The following ZNF516 variants were observed in gnomAD, a reference collection of about 807,000 sequenced individuals.
The protein encoded by ZNF516 is zinc finger protein 516.
In ZNF516, 19 loss-of-function variants were observed where a neutral mutation model predicts 79.7. The ratio of observed to expected loss-of-function variants is 0.24; its 90% CI spans 0.17 to 0.35. The LOEUF (loss-of-function observed/expected upper bound fraction) is 0.35. Ranked by LOEUF, ZNF516 falls within the 10% of genes least tolerant of loss-of-function variation. The pLI, the probability that ZNF516 is intolerant of heterozygous loss-of-function variation, is 1.00. For missense variants in ZNF516, 1,678 were observed against 1,679.5 expected (o/e 1.00, Z 0.02); for synonymous variants, 877 against 739.5 (o/e 1.19, Z -3.02).
intron 1 of ZNF516, chr18:76,492,819 G>A: frequency 1.0e-6 from 1 of 986,126 alleles, no homozygotes. Context: ...CGGAGGGGGA[G>A]GCGCTCCGTG....
intron 3 of ZNF516, among the ~76,000 whole-genome samples, chr18:76,405,157 G>A (rs567058904): frequency 1.1e-4 from 17 of 152,324 alleles, no homozygotes; most frequent in African/African-American, 4.1e-4. Context: ...TCGGGAACAC[G>A]GTTTCCAGGG....
At chr18:76,394,917 A>G (rs1233775891) in intron 3 of ZNF516, among the ~76,000 whole-genome samples, 2 of 152,122 alleles carry the variant, frequency 1.3e-5, no homozygotes, top group Non-Finnish European at 2.9e-5. Flanking sequence ...TCATTGCCCA[A>G]TCACCACACA....
chr18:76,364,048 C>T (rs1405415436), intron 6 of ZNF516, among the ~76,000 whole-genome samples: 1 of 152,204 alleles, frequency 6.6e-6, no homozygotes, highest in Non-Finnish European at 1.5e-5. Flanking sequence ...TGGACTGTTC[C>T]AGAGGCAACA....
chr18:76,411,868 A>G (rs567174672), intron 3 of ZNF516, among the ~76,000 whole-genome samples: 3 of 152,226 alleles, frequency 2.0e-5, no homozygotes, highest in African/African-American at 7.2e-5. Flanking sequence ...GCAGTTTTTA[A>G]AATATTTAAA....
chr18:76,473,928 G>A (rs1481100978), intron 1 of ZNF516, among the ~76,000 whole-genome samples: 1 of 80,778 alleles, frequency 1.2e-5, no homozygotes, highest in African/African-American at 4.0e-5. Flanking sequence ...CTTTCTTTTT[G>A]AGACAGGGTC....
chr18:76,408,772 A>T (rs1404400500), intron 3 of ZNF516, among the ~76,000 whole-genome samples: 1 of 152,250 alleles, frequency 6.6e-6, no homozygotes, highest in Non-Finnish European at 1.5e-5. Flanking sequence ...AGCTGTCCTT[A>T]GATTTCCAGT....
chr18:76,419,511 C>T (rs1319955925), intron 3 of ZNF516, among the ~76,000 whole-genome samples: 1 of 152,186 alleles, frequency 6.6e-6, no homozygotes, highest in Non-Finnish European at 1.5e-5. Flanking sequence ...TGGATATGAT[C>T]CGGCTGCGTC....
chr18:76,370,377 A>G lies in ZNF516; in HGVS notation c.3432+151T>C, dbSNP rs1412184854. 9.4e-6 allele frequency: 7 copies of G among 748,534 alleles called. No homozygotes were observed. In the East Asian group the frequency reaches 2.1e-4, roughly 23 times the overall value. The allele number at this position is 748,534 out of a possible 1,614,324, so 46.4% of individuals were successfully genotyped here. On this transcript the variant is annotated intron_variant, in intron 6 of 6. Transcript: ENST00000443185. ...GGGTACTGCCCACAGACGGCCCCGA[A>G]GGGTCAGGTTCCAAGTCAAAGCATA... is the stretch of plus-strand genomic sequence containing the variant.
chr18:76,481,333 GA>G (rs1914510816), intron 1 of ZNF516, among the ~76,000 whole-genome samples: 4 of 152,208 alleles, frequency 2.6e-5, no homozygotes, highest in African/African-American at 4.8e-5. Context: ...GGACCCCAAA[GA>G]GGCAGACAGC....
Position 76,493,158 on chromosome 18 carries a change from T to C in ZNF516, c.-272+1986A>G. ...TTTAATGGTAAAACAACAGCAGAGC[T>C]CTGAAAGTTAGCCATCTGCGCAGAG... On this transcript the variant is annotated intron_variant, in intron 1 of 6. Transcript: ENST00000443185. The surrounding 1 kb of genome is among the most constrained non-coding windows in gnomAD (Gnocchi z 5.2). 4 of 984,982 alleles carry C rather than the reference T, an allele frequency of 4.1e-6. No individual in the cohort carries two copies. The highest frequency in any genetic ancestry group is 4.8e-6 in the Non-Finnish European group (4 of 829,816). 61.0% of individuals were successfully genotyped at this position (984,982 alleles called of 1,614,324 possible).
intron 2 of ZNF516, among the ~76,000 whole-genome samples, chr18:76,456,050 G>A (rs1158238114): frequency 1.3e-5 from 2 of 152,192 alleles, no homozygotes; most frequent in African/African-American, 2.4e-5. Context: ...GAGGATGGTA[G>A]GACCCATCAA....
At chr18:76,375,829 G>C (rs1053874032) in intron 4 of ZNF516, among the ~76,000 whole-genome samples, 20 of 148,876 alleles carry the variant, frequency 1.3e-4, no homozygotes, top group African/African-American at 5.0e-4. Flanking sequence ...CCGAAGACCA[G>C]GTAGAAGATG....
intron 3 of ZNF516, chr18:76,387,301 G>A (rs2075008514): frequency 1.3e-5 from 2 of 152,224 alleles, no homozygotes; most frequent in African/African-American, 4.8e-5. Context: ...AGTAACCCGT[G>A]GATGATTCTT....
chr18:76,421,245 CAG>C (rs1187738350), intron 3 of ZNF516, among the ~76,000 whole-genome samples: 2 of 152,222 alleles, frequency 1.3e-5, no homozygotes, highest in Non-Finnish European at 2.9e-5. Context: ...GCTCTAGAGA[CAG>C]GGTGTGAAGT....
chr18:76,431,242 G>C (rs1005388125), intron 3 of ZNF516, among the ~76,000 whole-genome samples: 7 of 151,244 alleles, frequency 4.6e-5, no homozygotes, highest in Non-Finnish European at 1.0e-4. Flanking sequence ...ACTTGTGCCA[G>C]AGACGAGGAC....
rs769924547 is a variant in ZNF516 at position 76,379,705 on chromosome 18, G to C, written c.2409C>G (p.Ile803Met). ...GGGAAAGGAAAACCAAATTGCTTCT[G>C]ATGCTTTTGTAACCATTGGGCTGAA... ...PWIQPNGYKSIRSNLVFLSRS... is the reference protein window; with the variant it reads ...PWIQPNGYKSMRSNLVFLSRS... The change falls in exon 4 of 7, where the codon ATC (isoleucine) becomes ATG (methionine). Residue 803 changes from isoleucine to methionine, a missense_variant. Around this residue, in one of 5 missense-constraint regions of ZNF516, gnomAD observed 1,294 missense variants for 1,248.3 expected, o/e 1.04. Coordinates refer to ENST00000443185, the MANE Select transcript of ZNF516 (RefSeq NM_014643.4). 4 of 1,613,704 alleles carry C rather than the reference G, an allele frequency of 2.5e-6. No homozygotes were observed. Among genetic ancestry groups the C allele is most frequent in the Non-Finnish European group, 3.4e-6 (4 of 1,179,912 alleles).
intron 1 of ZNF516, among the ~76,000 whole-genome samples, chr18:76,465,707 T>A (rs1410879672): frequency 6.6e-6 from 1 of 152,014 alleles, no homozygotes. Flanking sequence ...GCTAAACCAA[T>A]CAGAAAACAC....
In ZNF516 at chr18:76,379,011, C is replaced by A. The variant is rs574187313; in HGVS notation, c.3103G>T (p.Ala1035Ser). ...ALQAQPGVAG[A>S]PPVLHSIKQE... Reference sequence around the variant, plus strand: ...TTGATGGAGTGTAGGACGGGGGGCGCCCCAGCCACGCCGGGCTGGGCCTGC... The same window carrying A: ...TTGATGGAGTGTAGGACGGGGGGCGACCCAGCCACGCCGGGCTGGGCCTGC... The change falls in exon 4 of 7, where the codon GCG becomes TCG. Residue 1035 changes from alanine to serine, a missense_variant. Ala to Ser is a moderately conservative substitution (Grantham distance 99). Around this residue, in one of 5 missense-constraint regions of ZNF516, gnomAD observed 1,294 missense variants for 1,248.3 expected, o/e 1.04. Coordinates refer to ENST00000443185, the MANE Select transcript of ZNF516 (RefSeq NM_014643.4). 2.6e-5 allele frequency: 42 copies of A among 1,612,284 alleles called. No homozygotes were observed. The East Asian group carries it at 9.1e-4, about 35-fold the overall frequency.
intron 3 of ZNF516, among the ~76,000 whole-genome samples, chr18:76,417,692 G>C (rs191584305): frequency 6.6e-6 from 1 of 152,226 alleles, no homozygotes; most frequent in Admixed American, 6.5e-5. Context: ...CTTTCAATTA[G>C]AGAAAATACC....
Sources: gnomAD v4.1 joint callset for allele counts (sites outside exome capture counted in the v4.1 genomes callset) on GRCh38, gnomAD v4.1.1 for gene constraint, gnomAD v4.1.1 regional missense constraint, Gnocchi (gnomAD v3.1) non-coding constraint, MANE v1.5 for transcripts, NCBI Gene and HGNC (gene_info 2026-07-23, HGNC 2026-07-21) for gene names.